Variants in E2F8 observed in about 807,000 individuals in gnomAD.
E2F8 encodes the protein E2F transcription factor 8.
In E2F8, 35 loss-of-function variants were observed where a neutral mutation model predicts 80.8. The observed-to-expected ratio is 0.43, with a 90% CI of 0.33 to 0.57. The LOEUF (loss-of-function observed/expected upper bound fraction) is 0.57, where lower values mean the gene tolerates loss of function less well. Among genes scored for constraint, E2F8 ranks in the 20% least tolerant of loss-of-function variants. The pLI is 0.04. For missense variants in E2F8, 975 were observed against 1,056.2 expected (o/e 0.92, Z 1.07); for synonymous variants, 386 against 395.0 (o/e 0.98, Z 0.27).
intron 3 of E2F8, 111 bp downstream of exon 3, chr11:19,237,743 A>T: frequency 7.1e-7 from 1 of 1,405,918 alleles, no homozygotes; most frequent in East Asian, 2.3e-5. Flanking sequence ...GAAGTTAATA[A>T]CAGCCTTCGG....
At chr11:19,227,523 C>T (rs1474985920) in intron 10 of E2F8, among the ~76,000 whole-genome samples, 2 of 152,086 alleles carry the variant, frequency 1.3e-5, no homozygotes, top group East Asian at 1.9e-4. Flanking sequence ...TGCCAATTCC[C>T]TTTTTTATAA....
In E2F8 at chr11:19,230,812, A is replaced by G. The variant is rs746845601; in HGVS notation, c.1089T>C (p.Phe363=). The part of the protein sequence containing the change: ...NTSGSSPVIH[F]TPSDLEVRRS... ...GTCTCACCTCCAAATCAGAGGGAGTAAAATGAATGACTGGGCTGGAGCCTG... is the reference window on the plus strand; with the variant it reads ...GTCTCACCTCCAAATCAGAGGGAGTGAAATGAATGACTGGGCTGGAGCCTG... Residue 363 remains phenylalanine, a synonymous_variant, in exon 8 of 13, where the codon TTT becomes TTC. Coordinates refer to ENST00000250024, the MANE Select transcript of E2F8 (RefSeq NM_024680.4). 19 of 1,614,066 alleles carry G rather than the reference A, an allele frequency of 1.2e-5. No individual in the cohort carries two copies. Among genetic ancestry groups the G allele is most frequent in the South Asian group, 5.5e-5 (5 of 91,090 alleles).
At chr11:19,230,952 G>A (rs1021807808) in intron 7 of E2F8, 118 bp from the exon 8 acceptor site, 22 of 841,250 alleles carry the variant, frequency 2.6e-5, no homozygotes, top group Middle Eastern at 5.0e-4. Context: ...CCATGTGCCT[G>A]TCACTGTTCT....
Position 19,230,242 on chromosome 11 carries a change from T to G in E2F8, c.1357A>C (p.Ser453Arg), listed in dbSNP as rs1851341377. The change falls in exon 9 of 13, where the codon AGT (serine) becomes CGT (arginine). Residue 453 changes from serine (S) to arginine (R), a missense_variant and splice_region_variant. Ser to Arg is a moderately radical substitution (Grantham distance 110, BLOSUM62 -1). Transcript: ENST00000250024. Reference sequence around the variant, plus strand: ...TATTAAAGAGGATTGCCAACCTACCTTGATTGCTCTTCTAACTGCATTTTA... The same window carrying G: ...TATTAAAGAGGATTGCCAACCTACCGTGATTGCTCTTCTAACTGCATTTTA... ...ICKMQLEEQS[S>R]ESRQKVKVQL... The G allele has an allele frequency of 6.2e-7, 1 of 1,612,062 alleles. No individual in the cohort carries two copies. Among genetic ancestry groups the G allele is most frequent in the African/African-American group, 1.3e-5 (1 of 74,754 alleles).
Position 19,240,114 on chromosome 11 carries a change from T to A in E2F8, c.8A>T (p.Asn3Ile). 6.5e-7 allele frequency: 1 copy of A among 1,530,454 alleles called. No individual in the cohort carries two copies. Among genetic ancestry groups the A allele is most frequent in the Non-Finnish European group, 8.8e-7 (1 of 1,135,576 alleles). 94.8% of individuals were successfully genotyped at this position (1,530,454 alleles called of 1,614,324 possible). Residue 3 changes from asparagine to isoleucine, a missense_variant, in exon 2 of 13, where the codon AAC becomes ATC. Transcript: ENST00000250024. ...ACTGAAGTTATAAAGTACCTTTTCG[T>A]TCTCCATTCTGTAAATTCCTCATAC... ME[N>I]EKENLFCEPH...
chr11:19,234,313 A>ATTGT lies in E2F8; in HGVS notation c.928+43_928+46dup, dbSNP rs765054905. 10 of 1,595,460 alleles carry ATTGT rather than the reference A, an allele frequency of 6.3e-6. No individual in the cohort carries two copies. In the African/African-American group the frequency reaches 1.4e-4, roughly 22 times the overall value. ...GAAATGAGTTTACGACTGAGATTTT[A>ATTGT]TTGTTTAAGAATAGGTTCAAAAATC... is the stretch of plus-strand genomic sequence containing the variant. On this transcript the variant is annotated intron_variant, in intron 6 of 12. Coordinates refer to ENST00000250024, the MANE Select transcript of E2F8 (RefSeq NM_024680.4).
chr11:19,225,710 T>C lies in E2F8; in HGVS notation c.2026+22A>G, dbSNP rs766782763. On this transcript the variant is annotated intron_variant, in intron 11 of 12. Coordinates refer to ENST00000250024, the MANE Select transcript of E2F8 (RefSeq NM_024680.4). The stretch of plus-strand genomic sequence containing the variant: ...GAACTTGAGACCGGCCCACATCTGG[T>C]TAGTGTTTTATGTGCACTCACCTGC... The C allele has an allele frequency of 5.0e-6, 8 of 1,613,868 alleles. No individual in the cohort carries two copies. In the South Asian group the frequency reaches 7.7e-5, roughly 16 times the overall value.
chr11:19,238,069 T>A lies in E2F8; in HGVS notation c.79A>T (p.Thr27Ser), dbSNP rs751903257. 19 of 1,614,106 alleles carry A rather than the reference T, an allele frequency of 1.2e-5. No homozygotes were observed. Among genetic ancestry groups the A allele is most frequent in the Non-Finnish European group, 1.4e-5 (16 of 1,180,048 alleles). ...ATCTCTGCCAACACGATATTTGCTG[T>A]GGTGGATTCTTTCAGAGGTGTTTTC... Reference protein sequence around the residue: ...LMKTPLKESTTANIVLAEIQP... With the variant: ...LMKTPLKESTSANIVLAEIQP... Residue 27 changes from threonine to serine, a missense_variant, in exon 3 of 13, where the codon ACA (threonine) becomes TCA (serine). Transcript: ENST00000250024.
chr11:19,241,367 C>G (rs1410581975), upstream of E2F8: 1 of 154,160 alleles, frequency 6.5e-6, no homozygotes, highest in Non-Finnish European at 1.4e-5. This position sits in a 1 kb window ranked among gnomAD's most constrained non-coding sequence, Gnocchi z 4.5. Flanking sequence ...CTCCCGGTGC[C>G]GTGTCGCCCG....
At position 19,225,291 on chromosome 11, in the gene E2F8, T is replaced by C. The variant is rs759642959; in HGVS notation, c.2351A>G (p.Asn784Ser). 6.2e-7 allele frequency: 1 copy of C among 1,614,064 alleles called. No homozygotes were observed. Among genetic ancestry groups the C allele is most frequent in the African/African-American group, 1.3e-5 (1 of 74,922 alleles). ...NAGTQQGRAT[N>S]YDSPVPGQSQ... ...CTGGCCTGGGACTGGTGAGTCATAGTTGGTGGCCCTTCCTTGCTGAGTGCC... is the reference window on the plus strand; with the variant it reads ...CTGGCCTGGGACTGGTGAGTCATAGCTGGTGGCCCTTCCTTGCTGAGTGCC... Residue 784 changes from asparagine (N) to serine (S), a missense_variant, in exon 12 of 13, where the codon AAC (asparagine) becomes AGC (serine). Transcript: ENST00000250024.
Position 19,225,415 on chromosome 11 carries a change from G to A in E2F8, c.2227C>T (p.Leu743Phe), listed in dbSNP as rs778227600. The change falls in exon 12 of 13, where the codon CTC (leucine) becomes TTC (phenylalanine). Residue 743 changes from leucine (L) to phenylalanine (F), a missense_variant. Leu to Phe is a conservative substitution (Grantham distance 22). Transcript: ENST00000250024. ...GACAACTGCACATTGGGTGAGATGA[G>A]TCCCAGGTGCTGCAGGGTGAAGTTT... is the stretch of plus-strand genomic sequence containing the variant. ...IVNFTLQHLG[L>F]ISPNVQLSAS... 5 of 1,614,108 alleles carry A rather than the reference G, an allele frequency of 3.1e-6. No homozygotes were observed. Among genetic ancestry groups the A allele is most frequent in the Admixed American group, 1.7e-5 (1 of 60,004 alleles).
In E2F8 at chr11:19,229,308, G is replaced by T; in HGVS notation, c.1893+146C>A. The T allele has an allele frequency of 9.2e-7, 1 of 1,089,438 alleles. No homozygotes were observed. Among genetic ancestry groups the T allele is most frequent in the Non-Finnish European group, 1.3e-6 (1 of 759,458 alleles). 67.5% of individuals were successfully genotyped at this position (1,089,438 alleles called of 1,614,324 possible). On this transcript the variant is annotated intron_variant, in intron 10 of 12. Coordinates refer to ENST00000250024, the MANE Select transcript of E2F8 (RefSeq NM_024680.4). This position sits in a 1 kb window ranked among gnomAD's most constrained non-coding sequence, Gnocchi z 4.3. ...CATCCCAGCCAGGGGATTAGCTGTT[G>T]AGGGCCTCACTTGGATTATGGGATG...
At chr11:19,237,608 G>A (rs1851552310) in intron 3 of E2F8, 138 bp from the exon 4 acceptor site, 2 of 1,081,978 alleles carry the variant, frequency 1.8e-6, no homozygotes, top group Admixed American at 2.8e-5. Flanking sequence ...GGGAGAAAAG[G>A]TTAGGGGGGC....
chr11:19,240,251 G>A (rs1851624213), intron 1 of E2F8, 21 bp from the exon 2 acceptor site: 1 of 494,016 alleles, frequency 2.0e-6, no homozygotes. Context: ...AAAGGAAATA[G>A]AAAAAGTTAG....
intron 3 of E2F8, 118 bp downstream of exon 3, chr11:19,237,736 G>T: frequency 7.3e-7 from 1 of 1,362,012 alleles, no homozygotes; most frequent in Non-Finnish European, 1.0e-6. Flanking sequence ...TCCGAAGGAA[G>T]TTAATAACAG....
At chr11:19,241,047 A>T (rs1851650295), upstream of E2F8, 1 of 152,290 alleles carries the variant, frequency 6.6e-6, no homozygotes, top group Non-Finnish European at 1.5e-5. The surrounding 1 kb of genome is among the most constrained non-coding windows in gnomAD (Gnocchi z 4.5). Flanking sequence ...TTCCAGGACA[A>T]CAATTCCCGA....
chr11:19,239,001 A>G (rs1851593932), intron 2 of E2F8, among the ~76,000 whole-genome samples: 1 of 152,230 alleles, frequency 6.6e-6, no homozygotes, highest in African/African-American at 2.4e-5. Context: ...AATGGAGACT[A>G]TGTTCCTTCC....
At position 19,224,831 on chromosome 11, in the gene E2F8, C is replaced by A; in HGVS notation, c.2431G>T (p.Val811Leu). ...AVTGAQQPVP[V>L]TPKGSQLVAE... ...ACTAATTGTGACCCTTTGGGTGTCACAGGAACAGGCTGATTGGAAAGAGAA... is the reference window on the plus strand; with the variant it reads ...ACTAATTGTGACCCTTTGGGTGTCAAAGGAACAGGCTGATTGGAAAGAGAA... The change falls in exon 13 of 13, where the codon GTG becomes TTG. Residue 811 changes from valine (V) to leucine (L), a missense_variant. Val to Leu is a conservative substitution (Grantham distance 32). Transcript: ENST00000250024. The A allele has an allele frequency of 6.2e-7, 1 of 1,614,144 alleles. No homozygotes were observed. The highest frequency in any genetic ancestry group is 1.1e-5 in the South Asian group (1 of 91,080).
Position 19,224,604 on chromosome 11 carries a change from A to C in E2F8, c.*54T>G. On this transcript the variant is annotated 3_prime_UTR_variant, in exon 13 of 13. Coordinates refer to ENST00000250024, the MANE Select transcript of E2F8 (RefSeq NM_024680.4). ...GTGTTCTCCAAATCAGTCTGTGTAC[A>C]TTTTCTCTATTAAACAACTCTTTAG... The C allele has an allele frequency of 6.3e-7, 1 of 1,579,880 alleles. No individual in the cohort carries two copies. The highest frequency in any genetic ancestry group is 8.7e-7 in the Non-Finnish European group (1 of 1,154,142).
Sources: allele counts gnomAD v4.1 joint callset (sites outside exome capture counted in the v4.1 genomes callset), GRCh38; gene constraint gnomAD v4.1.1; non-coding constraint Gnocchi (gnomAD v3.1); transcripts MANE v1.5; gene names NCBI Gene and HGNC (gene_info 2026-07-23, HGNC 2026-07-21).